Variants in LMNTD1 observed in about 807,000 individuals in gnomAD.
The protein encoded by LMNTD1 is lamin tail domain containing 1.
LMNTD1 carries 35 observed loss-of-function variants against 50.9 expected under a neutral mutation model. The observed-to-expected ratio is 0.69, with a 90% CI of 0.53 to 0.91. The LOEUF is 0.91. Among genes scored for constraint, LMNTD1 ranks in the 40% least tolerant of loss-of-function variants. LMNTD1 has a pLI of 0.00. For synonymous variants in LMNTD1, 153 were observed against 161.9 expected, an observed-to-expected ratio of 0.94 and a Z score of 0.42; for missense variants, 470 against 475.5, an observed-to-expected ratio of 0.99 and a Z score of 0.11.
At chr12:25,642,441 C>T (rs1472887314) in intron 1 of LMNTD1, among the ~76,000 whole-genome samples, 1 of 152,160 alleles carries the variant, frequency 6.6e-6, no homozygotes, top group Non-Finnish European at 1.5e-5. Context: ...AAGGAGGGCC[C>T]TCACTAAGAA....
intron 4 of LMNTD1, among the ~76,000 whole-genome samples, chr12:25,545,157 G>A (rs1418427678): frequency 1.3e-5 from 2 of 151,538 alleles, no homozygotes; most frequent in African/African-American, 4.8e-5. Context: ...TAGGTCTCGT[G>A]GTGGTGAATT....
chr12:25,609,421 A>G (rs943146558), intron 1 of LMNTD1, among the ~76,000 whole-genome samples: 3 of 152,164 alleles, frequency 2.0e-5, no homozygotes, highest in African/African-American at 7.2e-5. Flanking sequence ...TAGAATTTTC[A>G]GCTTTTCTGC....
At chr12:25,575,903 A>G (rs939113498) in intron 1 of LMNTD1, among the ~76,000 whole-genome samples, 1 of 152,024 alleles carries the variant, frequency 6.6e-6, no homozygotes, top group Non-Finnish European at 1.5e-5. Flanking sequence ...AAGTGTTCTC[A>G]TTGTTCAATT....
intron 6 of LMNTD1, 122 bp downstream of exon 6, chr12:25,525,977 A>G (rs1941677590): frequency 1.6e-6 from 1 of 625,926 alleles, no homozygotes. Context: ...CATAAAGTCA[A>G]TTTTACTGAC....
At chr12:25,577,480 GCTCT>G (rs1945078334) in intron 1 of LMNTD1, among the ~76,000 whole-genome samples, 2 of 148,742 alleles carry the variant, frequency 1.3e-5, no homozygotes, top group African/African-American at 5.1e-5. Flanking sequence ...TCATGATTTG[GCTCT>G]CTGTTTGTCT....
intron 1 of LMNTD1, among the ~76,000 whole-genome samples, chr12:25,642,841 A>G (rs940590948): frequency 2.6e-5 from 4 of 152,190 alleles, no homozygotes; most frequent in African/African-American, 7.2e-5. Flanking sequence ...CACAGCCCCA[A>G]CCTGAGCTCA....
intron 1 of LMNTD1, among the ~76,000 whole-genome samples, chr12:25,572,179 A>T (rs967562333): frequency 6.6e-6 from 1 of 152,242 alleles, no homozygotes; most frequent in Admixed American, 6.5e-5. Flanking sequence ...TTGTCATAAG[A>T]ATATGACATA....
intron 1 of LMNTD1, among the ~76,000 whole-genome samples, chr12:25,559,376 C>T (rs548224171): frequency 2.6e-5 from 4 of 152,258 alleles, no homozygotes; most frequent in African/African-American, 7.2e-5. Context: ...GACATGAACT[C>T]GTCCTTTGTT....
intron 2 of LMNTD1, among the ~76,000 whole-genome samples, chr12:25,551,477 A>C (rs954452258): frequency 4.0e-5 from 6 of 151,838 alleles, no homozygotes; most frequent in African/African-American, 1.5e-4. Context: ...GCAACCACCA[A>C]CTCCTGGGTT....
intron 4 of LMNTD1, among the ~76,000 whole-genome samples, chr12:25,538,385 C>T (rs896004613): frequency 1.1e-4 from 17 of 151,404 alleles, no homozygotes; most frequent in Admixed American, 2.0e-4. Flanking sequence ...TAGGCAGAAA[C>T]CCTACAAGCT....
intron 9 of LMNTD1, among the ~76,000 whole-genome samples, chr12:25,501,460 TTC>T (rs1383137129): frequency 6.6e-6 from 1 of 152,220 alleles, no homozygotes; most frequent in Non-Finnish European, 1.5e-5. Flanking sequence ...TGTGTGGTGT[TTC>T]TTTCTTTCAG....
chr12:25,556,042 G>A (rs113223669), upstream of LMNTD1, among the ~76,000 whole-genome samples: 2,842 of 141,852 alleles, frequency 0.02, 114 homozygotes, highest in African/African-American at 0.071. Context: ...GTGCAATCTC[G>A]GCTCACTGCA....
chr12:25,506,953 C>A (rs1939833104), intron 8 of LMNTD1, among the ~76,000 whole-genome samples: 1 of 152,010 alleles, frequency 6.6e-6, no homozygotes, highest in African/African-American at 2.4e-5. Context: ...GATCTTGGCT[C>A]ACTGCAACCT....
At chr12:25,599,124 TG>T (rs1396847667) in intron 1 of LMNTD1, among the ~76,000 whole-genome samples, 1 of 152,062 alleles carries the variant, frequency 6.6e-6, no homozygotes. Context: ...CATAACCAAG[TG>T]GGATTTATCC....
At chr12:25,617,045 A>G (rs1946366201) in intron 1 of LMNTD1, among the ~76,000 whole-genome samples, 1 of 152,218 alleles carries the variant, frequency 6.6e-6, no homozygotes, top group Admixed American at 6.5e-5. Flanking sequence ...GTTTTAAAAT[A>G]AGGACTAATT....
At chr12:25,512,400 G>A (rs1007088144) in intron 8 of LMNTD1, among the ~76,000 whole-genome samples, 1 of 152,174 alleles carries the variant, frequency 6.6e-6, no homozygotes, top group African/African-American at 2.4e-5. Flanking sequence ...AAATCTAGGA[G>A]ACGTTTGACA....
In LMNTD1 at chr12:25,628,653, C is replaced by T. The variant is rs183112192; in HGVS notation, c.58+19841G>A. Among the ~76,000 whole-genome samples, 7 of 152,224 alleles carry T rather than the reference C, an allele frequency of 4.6e-5. No homozygotes were observed. In the East Asian group the frequency reaches 9.6e-4, roughly 21 times the overall value. ...ATCATAGGAGTCCTCATGAGAGGGA[C>T]ATAAGAGTCAGAGTCAGAGAGAAGG... On this transcript the variant is annotated intron_variant, in intron 1 of 7. Transcript: ENST00000445693.
At chr12:25,573,573 T>C (rs1345573048) in intron 1 of LMNTD1, among the ~76,000 whole-genome samples, 1 of 152,140 alleles carries the variant, frequency 6.6e-6, no homozygotes, top group Non-Finnish European at 1.5e-5. Flanking sequence ...TGCAAAATCA[T>C]GCCCAGAAGG....
chr12:25,537,156 GC>G (rs1942660991), intron 4 of LMNTD1, among the ~76,000 whole-genome samples: 1 of 152,188 alleles, frequency 6.6e-6, no homozygotes, highest in African/African-American at 2.4e-5. Flanking sequence ...GGGGAGGGGC[GC>G]CCACCATTGC....
Sources: gnomAD v4.1 joint callset for allele counts (sites outside exome capture counted in the v4.1 genomes callset) on GRCh38, gnomAD v4.1.1 for gene constraint, MANE v1.5 for transcripts, NCBI Gene and HGNC (gene_info 2026-07-23, HGNC 2026-07-21) for gene names.